Variants in CAMK1D observed in about 807,000 individuals in gnomAD.
CAMK1D encodes the protein calcium/calmodulin-dependent protein kinase type 1D.
CAMK1D carries 9 observed loss-of-function variants against 47.7 expected under a neutral mutation model. That is an observed-to-expected ratio of 0.19 (90% CI 0.11 to 0.33). CAMK1D has a LOEUF of 0.33. Ranked by LOEUF, CAMK1D falls within the 10% of genes least tolerant of loss-of-function variation. CAMK1D has a pLI of 1.00. For missense variants in CAMK1D, 291 were observed against 488.7 expected (o/e 0.60, Z 3.81); for synonymous variants, 184 against 184.9 (o/e 0.99, Z 0.04).
At position 12,674,007 on chromosome 10, in the gene CAMK1D, G is replaced by A. The variant is rs180717485; in HGVS notation, c.299+7197G>A. On this transcript the variant is annotated intron_variant, in intron 3 of 10. Transcript: ENST00000619168. Reference sequence around the variant, plus strand: ...GTCACCCAGGCTGGAGGGCACTGGCGTGATCATATATCACTGCAGCCTCCA... The same window carrying A: ...GTCACCCAGGCTGGAGGGCACTGGCATGATCATATATCACTGCAGCCTCCA... Among the ~76,000 whole-genome samples, 12 of 152,166 alleles carry A rather than the reference G, an allele frequency of 7.9e-5. No homozygotes were observed. In the South Asian group the frequency reaches 2.3e-3, roughly 29 times the overall value.
intron 8 of CAMK1D, among the ~76,000 whole-genome samples, chr10:12,820,099 G>T (rs565637822): frequency 4.7e-4 from 72 of 152,342 alleles, no homozygotes; most frequent in African/African-American, 1.7e-3. Context: ...GAGTGCGGTG[G>T]CGCGATCTCG....
intron 3 of CAMK1D, among the ~76,000 whole-genome samples, chr10:12,702,623 G>A (rs1833567602): frequency 6.6e-6 from 1 of 152,158 alleles, no homozygotes; most frequent in Non-Finnish European, 1.5e-5. Flanking sequence ...TTAAATCCCC[G>A]ATACGAGGTA....
chr10:12,544,899 T>C (rs1176840717), intron 1 of CAMK1D, among the ~76,000 whole-genome samples: 1 of 152,130 alleles, frequency 6.6e-6, no homozygotes, highest in Non-Finnish European at 1.5e-5. Flanking sequence ...GTTGAGTGGA[T>C]GGTACTAGTG....
chr10:12,413,479 T>A (rs578227011), intron 1 of CAMK1D, among the ~76,000 whole-genome samples: 6 of 198 alleles, frequency 0.03, no homozygotes, highest in African/African-American at 0.076. Context: ...GGGGTGTATG[T>A]TTTGTGATGA....
intron 8 of CAMK1D, among the ~76,000 whole-genome samples, chr10:12,816,981 G>A (rs935190384): frequency 5.3e-5 from 8 of 150,894 alleles, no homozygotes; most frequent in African/African-American, 1.5e-4. Context: ...CCTCACAATC[G>A]TGGTGGAAGG....
At chr10:12,662,468 C>T (rs553791385) in intron 2 of CAMK1D, among the ~76,000 whole-genome samples, 178 of 152,144 alleles carry the variant, frequency 1.2e-3, no homozygotes, top group African/African-American at 2.4e-3. Flanking sequence ...CTGACTAACG[C>T]GGTGAAACCC....
intron 1 of CAMK1D, among the ~76,000 whole-genome samples, chr10:12,499,529 G>T (rs889734702): frequency 7.2e-5 from 11 of 152,320 alleles, no homozygotes; most frequent in African/African-American, 2.4e-4. Context: ...TTTCCCCCCA[G>T]ATCCGAATCC....
In CAMK1D at chr10:12,825,557, C is replaced by T. The variant is rs1459360343; in HGVS notation, c.922-16C>T. 6.2e-7 allele frequency: 1 copy of T among 1,600,584 alleles called. No homozygotes were observed. Among genetic ancestry groups the T allele is most frequent in the South Asian group, 1.1e-5 (1 of 88,394 alleles). On this transcript the variant is annotated splice_polypyrimidine_tract_variant and intron_variant, in intron 9 of 10. Transcript: ENST00000619168. ...GCTGAAATATTTGTCTGCTTTTTTC[C>T]TTTCTGAAATTTCAGCAAGCATTTA...
intron 3 of CAMK1D, among the ~76,000 whole-genome samples, chr10:12,685,676 C>G (rs931749187): frequency 3.3e-5 from 5 of 152,174 alleles, no homozygotes; most frequent in African/African-American, 1.2e-4. Flanking sequence ...TAGGCCTTCT[C>G]GCTGGTGATT....
intron 3 of CAMK1D, among the ~76,000 whole-genome samples, chr10:12,725,915 C>G (rs1183747433): frequency 6.6e-6 from 1 of 151,970 alleles, no homozygotes; most frequent in African/African-American, 2.4e-5. Context: ...CACCATCACA[C>G]CCAGCTAATT....
intron 1 of CAMK1D, among the ~76,000 whole-genome samples, chr10:12,472,768 C>T (rs975719376): frequency 2.6e-5 from 4 of 152,168 alleles, no homozygotes; most frequent in Non-Finnish European, 4.4e-5. Context: ...ATAATCCACC[C>T]GCCTCGGCCT....
intron 2 of CAMK1D, among the ~76,000 whole-genome samples, chr10:12,662,448 G>A (rs745947668): frequency 7.2e-5 from 11 of 152,078 alleles, no homozygotes; most frequent in Non-Finnish European, 1.3e-4. Context: ...GGTCAGGGAT[G>A]GAGACCATCC....
chr10:12,826,827 G>C (rs1833226582), intron 10 of CAMK1D, among the ~76,000 whole-genome samples: 1 of 152,206 alleles, frequency 6.6e-6, no homozygotes, highest in African/African-American at 2.4e-5. Context: ...CTGGTCAAAG[G>C]GAACCCCACG....
intron 2 of CAMK1D, among the ~76,000 whole-genome samples, chr10:12,634,258 C>T (rs116394548): frequency 0.013 from 2,051 of 152,288 alleles, 51 homozygotes; most frequent in African/African-American, 0.046. Context: ...TTCTGTTTCA[C>T]GCTGCACAGT....
intron 1 of CAMK1D, among the ~76,000 whole-genome samples, chr10:12,527,747 C>A (rs1451320062): frequency 6.6e-6 from 1 of 152,216 alleles, no homozygotes; most frequent in Non-Finnish European, 1.5e-5. Context: ...CCAGTGGATA[C>A]TTCTTCAACT....
chr10:12,661,976 T>A (rs943204121), intron 2 of CAMK1D, among the ~76,000 whole-genome samples: 1 of 151,764 alleles, frequency 6.6e-6, no homozygotes, highest in African/African-American at 2.4e-5. Context: ...CTGCAAAGCA[T>A]CTAATTGTCT....
intron 3 of CAMK1D, among the ~76,000 whole-genome samples, chr10:12,731,143 C>G (rs1834863354): frequency 6.6e-6 from 1 of 152,026 alleles, no homozygotes; most frequent in South Asian, 2.1e-4. Flanking sequence ...GAAGGGAAGG[C>G]AGTGCTATCA....
chr10:12,449,067 C>G (rs188716760), intron 1 of CAMK1D, among the ~76,000 whole-genome samples: 1 of 152,142 alleles, frequency 6.6e-6, no homozygotes, highest in African/African-American at 2.4e-5. Flanking sequence ...GATTCTATTA[C>G]GTCATGTTAC....
chr10:12,824,078 G>A (rs1833109216), intron 8 of CAMK1D, among the ~76,000 whole-genome samples: 1 of 152,042 alleles, frequency 6.6e-6, no homozygotes. Flanking sequence ...GCGCATGGTG[G>A]CTCAAAAGCT....
Sources: allele counts gnomAD v4.1 joint callset (sites outside exome capture counted in the v4.1 genomes callset), GRCh38; gene constraint gnomAD v4.1.1; transcripts MANE v1.5; gene names NCBI Gene and HGNC (gene_info 2026-07-23, HGNC 2026-07-21).